The following ADCY8 variants were observed in gnomAD, a reference collection of about 807,000 sequenced individuals.
The protein encoded by ADCY8 is adenylate cyclase type 8.
A neutral mutation model predicts 119.7 loss-of-function variants in ADCY8; 51 were observed. The observed-to-expected ratio is 0.43, with a 90% confidence interval of 0.34 to 0.54. The LOEUF (loss-of-function observed/expected upper bound fraction) is 0.54. Among genes scored for constraint, ADCY8 ranks in the 20% least tolerant of loss-of-function variants. The pLI is 0.03. For missense variants in ADCY8, 1,383 were observed against 1,598.8 expected (o/e 0.87, Z 2.30); for synonymous variants, 665 against 651.0 (o/e 1.02, Z -0.33).
chr8:130,936,977 T>C, intron 5 of ADCY8, 96 bp downstream of exon 5: 1 of 1,415,746 alleles, frequency 7.1e-7, no homozygotes, highest in Non-Finnish European at 9.4e-7. Context: ...GGTTCTGCCT[T>C]TCACCATACA....
intron 3 of ADCY8, among the ~76,000 whole-genome samples, chr8:130,951,231 C>T (rs1032379873): frequency 6.6e-6 from 1 of 152,194 alleles, no homozygotes; most frequent in African/African-American, 2.4e-5. Context: ...TTCCCAAGAT[C>T]ACAAACAAGG....
chr8:130,855,096 ACTGTCT>A (rs200656832), intron 9 of ADCY8, among the ~76,000 whole-genome samples: 17 of 116,674 alleles, frequency 1.5e-4, no homozygotes, highest in African/African-American at 5.6e-4. Context: ...CTGGGTAAGC[ACTGTCT>A]CTCTCTCTCT....
intron 1 of ADCY8, among the ~76,000 whole-genome samples, chr8:131,025,603 A>C (rs1324020088): frequency 6.6e-6 from 1 of 152,218 alleles, no homozygotes; most frequent in South Asian, 2.1e-4. Flanking sequence ...CAAATAAATA[A>C]AACATAATTC....
intron 2 of ADCY8, among the ~76,000 whole-genome samples, chr8:130,972,914 C>T (rs188028651): frequency 8.7e-4 from 131 of 151,290 alleles, no homozygotes; most frequent in Admixed American, 2.2e-3. Flanking sequence ...AAAATGGGAA[C>T]GATAATTAGC....
At position 130,856,559 on chromosome 8, in the gene ADCY8, C is replaced by T. The variant is rs867070674; in HGVS notation, c.2211-6756G>A. On this transcript the variant is annotated intron_variant, in intron 9 of 17. Transcript: ENST00000286355. The stretch of plus-strand genomic sequence containing the variant: ...CACCCCGAGGTGCCTTCGGTCAGGA[C>T]CCTAGTCCTCATTGTCTCTTAGGTA... Among the ~76,000 whole-genome samples, 37 of 152,266 alleles carry T rather than the reference C, an allele frequency of 2.4e-4. No homozygotes were observed. In the Middle Eastern group the frequency reaches 0.031, roughly 126 times the overall value.
At chr8:130,884,409 G>A (rs1818898844) in intron 8 of ADCY8, among the ~76,000 whole-genome samples, 155 bp downstream of exon 8, 2 of 152,054 alleles carry the variant, frequency 1.3e-5, no homozygotes, top group African/African-American at 4.8e-5. Flanking sequence ...GTCTACTCAT[G>A]ATTTTCAAGG....
At chr8:130,803,809 G>A (rs1331193588) in intron 14 of ADCY8, among the ~76,000 whole-genome samples, 2 of 152,140 alleles carry the variant, frequency 1.3e-5, no homozygotes, top group African/African-American at 2.4e-5. Flanking sequence ...CATGCCCTAG[G>A]TCAGAGAAAG....
At chr8:130,974,169 TA>T (rs1822004274) in intron 2 of ADCY8, among the ~76,000 whole-genome samples, 1 of 152,254 alleles carries the variant, frequency 6.6e-6, no homozygotes, top group African/African-American at 2.4e-5. Flanking sequence ...TCCACCTCCC[TA>T]ACTTCTGAGC....
At chr8:131,017,266 C>T (rs768982117) in intron 1 of ADCY8, among the ~76,000 whole-genome samples, 12 of 151,980 alleles carry the variant, frequency 7.9e-5, no homozygotes, top group East Asian at 7.8e-4. Context: ...GACGGGCTTT[C>T]GCCATGTTGG....
intron 2 of ADCY8, among the ~76,000 whole-genome samples, chr8:130,965,374 G>C (rs1419486534): frequency 1.3e-5 from 2 of 152,120 alleles, no homozygotes; most frequent in Admixed American, 1.3e-4. Flanking sequence ...ACTACCTGTT[G>C]GGTACTATGC....
intron 1 of ADCY8, among the ~76,000 whole-genome samples, chr8:131,012,574 A>T (rs1823344090): frequency 1.3e-5 from 2 of 152,196 alleles, no homozygotes; most frequent in South Asian, 4.1e-4. Flanking sequence ...TCGGGTCTCC[A>T]TTCAGGAAAG....
intron 15 of ADCY8, among the ~76,000 whole-genome samples, chr8:130,796,392 A>G (rs1030503173): frequency 3.3e-5 from 5 of 152,252 alleles, no homozygotes; most frequent in Admixed American, 6.5e-5. Context: ...TGGGATGAGG[A>G]GCCCTTGAGT....
In ADCY8 at chr8:130,951,945, G is replaced by T; in HGVS notation, c.1164C>A (p.Asn388Lys). ...GCTCATCTTCCACATTGGTCATGTCGTTGATCATTTCCAGGACAACAAACC... is the reference window on the plus strand; with the variant it reads ...GCTCATCTTCCACATTGGTCATGTCTTTGATCATTTCCAGGACAACAAACC... ...LPRFVVLEMI[N>K]DMTNVEDEHL... The change falls in exon 3 of 18, where the codon AAC (asparagine) becomes AAA (lysine). Residue 388 changes from asparagine (N) to lysine (K), a missense_variant. Around this residue, in one of 2 missense-constraint regions of ADCY8, gnomAD observed 928 missense variants for 1,163.5 expected, o/e 0.80. Coordinates refer to ENST00000286355, the MANE Select transcript of ADCY8 (RefSeq NM_001115.3). The T allele has an allele frequency of 6.2e-7, 1 of 1,614,042 alleles. No individual in the cohort carries two copies.
chr8:130,886,792 A>G (rs1008868861), intron 7 of ADCY8, among the ~76,000 whole-genome samples: 10 of 152,106 alleles, frequency 6.6e-5, no homozygotes, highest in Non-Finnish European at 1.3e-4. Flanking sequence ...TTTTCCTTCT[A>G]TTAACTAAAT....
intron 5 of ADCY8, among the ~76,000 whole-genome samples, chr8:130,920,909 T>G (rs955533214): frequency 6.6e-6 from 1 of 152,312 alleles, no homozygotes. Context: ...CAATATCAAC[T>G]CTTCCCTGGA....
intron 1 of ADCY8, among the ~76,000 whole-genome samples, chr8:131,003,206 T>TCACACACACACACACACA (rs1554624274): frequency 7.3e-5 from 10 of 137,488 alleles, no homozygotes; most frequent in African/African-American, 2.8e-4. Context: ...TGAAACACCA[T>TCACACACACACACACACA]CACACACACA....
chr8:130,947,519 G>A lies in ADCY8; in HGVS notation c.1242-4057C>T, dbSNP rs187920132. ...GCGGATGGATCTAGAAAGTCATCAA[G>A]TTCTCTAGCTCCATTCAATTGCATT... On this transcript the variant is annotated intron_variant, in intron 3 of 17. Transcript: ENST00000286355. Among the ~76,000 whole-genome samples, 597 of 152,270 alleles carry A rather than the reference G, an allele frequency of 3.9e-3. 2 individuals are homozygous for A. Among genetic ancestry groups the A allele is most frequent in the Non-Finnish European group, 5.7e-3 (390 of 68,016 alleles).
At chr8:130,976,445 C>G (rs1822075027) in intron 2 of ADCY8, among the ~76,000 whole-genome samples, 1 of 152,170 alleles carries the variant, frequency 6.6e-6, no homozygotes, top group South Asian at 2.1e-4. Flanking sequence ...TTGCCTATTT[C>G]AAGTATTAAT....
chr8:130,858,776 A>T (rs959907157), intron 9 of ADCY8, among the ~76,000 whole-genome samples: 1 of 152,118 alleles, frequency 6.6e-6, no homozygotes, highest in African/African-American at 2.4e-5. Context: ...TATTTATTTT[A>T]TATTGTGGAT....
Sources: allele counts gnomAD v4.1 joint callset (sites outside exome capture counted in the v4.1 genomes callset), GRCh38; gene constraint gnomAD v4.1.1; regional missense constraint gnomAD v4.1.1; transcripts MANE v1.5; gene names NCBI Gene and HGNC (gene_info 2026-07-23, HGNC 2026-07-21).